L3MBTL4: variants seen among roughly 807,000 people sequenced by gnomAD.
L3MBTL4 encodes L3MBTL histone methyl-lysine binding protein 4.
Under a neutral mutation model 84.5 loss-of-function variants are expected in L3MBTL4, and 70 were observed. The ratio of observed to expected loss-of-function variants is 0.83; its 90% CI spans 0.68 to 1.01. The LOEUF is 1.01. L3MBTL4 is among the 50% of genes least tolerant of loss of function. L3MBTL4 has a pLI of 0.00. For missense variants in L3MBTL4, 715 were observed against 754.8 expected, an observed-to-expected ratio of 0.95 and a Z score of 0.62; for synonymous variants, 274 against 259.8, an observed-to-expected ratio of 1.05 and a Z score of -0.52.
intron 13 of L3MBTL4, among the ~76,000 whole-genome samples, chr18:6,163,634 C>T (rs2043478936): frequency 6.6e-6 from 1 of 152,122 alleles, no homozygotes. Flanking sequence ...ACACAAAATA[C>T]ACATCTTGTA....
intron 13 of L3MBTL4, among the ~76,000 whole-genome samples, chr18:6,141,976 T>C (rs1165789663): frequency 6.6e-6 from 1 of 152,238 alleles, no homozygotes; most frequent in Non-Finnish European, 1.5e-5. Flanking sequence ...TCCTATTCCT[T>C]GAACCTGCCA....
intron 1 of L3MBTL4, among the ~76,000 whole-genome samples, chr18:6,345,397 AAAACAAAC>A (rs752013822): frequency 8.6e-5 from 13 of 151,782 alleles, no homozygotes; most frequent in South Asian, 2.1e-4. Flanking sequence ...CTCCGTCTCA[AAAACAAAC>A]AAACAAACAA....
At chr18:6,233,403 T>C (rs1160317368) in intron 10 of L3MBTL4, among the ~76,000 whole-genome samples, 1 of 149,820 alleles carries the variant, frequency 6.7e-6, no homozygotes, top group African/African-American at 2.6e-5. Flanking sequence ...GATGACGTGA[T>C]TGTATATTTA....
chr18:6,156,903 A>G (rs964014223), intron 13 of L3MBTL4, among the ~76,000 whole-genome samples: 26 of 152,214 alleles, frequency 1.7e-4, no homozygotes, highest in Non-Finnish European at 3.4e-4. Context: ...TGAGAAAATA[A>G]TCTGCAGAAT....
intron 13 of L3MBTL4, among the ~76,000 whole-genome samples, chr18:6,157,792 T>C (rs1422067198): frequency 2.0e-5 from 3 of 152,248 alleles, no homozygotes; most frequent in African/African-American, 7.2e-5. Flanking sequence ...GATAATTTAA[T>C]TTACTTTGTA....
intron 12 of L3MBTL4, among the ~76,000 whole-genome samples, chr18:6,175,795 G>A (rs1321089308): frequency 6.6e-6 from 1 of 152,084 alleles, no homozygotes; most frequent in Non-Finnish European, 1.5e-5. Context: ...CATTCTTACT[G>A]TTTCTAGTCA....
At chr18:5,981,904 G>T (rs1430665194) in intron 16 of L3MBTL4, among the ~76,000 whole-genome samples, 1 of 151,344 alleles carries the variant, frequency 6.6e-6, no homozygotes, top group African/African-American at 2.4e-5. Flanking sequence ...ATCTCCCGAT[G>T]CAACATGCAC....
intron 1 of L3MBTL4, among the ~76,000 whole-genome samples, chr18:6,315,070 A>T (rs2051026803): frequency 6.6e-6 from 1 of 152,222 alleles, no homozygotes; most frequent in African/African-American, 2.4e-5. Context: ...AATGAATAAG[A>T]AATGTAATAC....
intron 14 of L3MBTL4, among the ~76,000 whole-genome samples, chr18:6,098,594 C>T (rs765035492): frequency 1.3e-5 from 2 of 152,068 alleles, no homozygotes; most frequent in East Asian, 1.9e-4. Context: ...AAAGTAAAGT[C>T]GCCCAAAATA....
At chr18:6,061,496 T>C (rs2145889047) in intron 16 of L3MBTL4, among the ~76,000 whole-genome samples, 1 of 152,208 alleles carries the variant, frequency 6.6e-6, no homozygotes, top group South Asian at 2.1e-4. Context: ...TTTAATAAAG[T>C]CCAACTTATC....
chr18:6,137,927 T>G (rs78997541), intron 14 of L3MBTL4, among the ~76,000 whole-genome samples: 1,665 of 152,262 alleles, frequency 0.011, 47 homozygotes, highest in African/African-American at 0.038. Context: ...TGTATGACAG[T>G]GTGCATTTGG....
In L3MBTL4 at chr18:5,969,864, A is replaced by G. The variant is rs530448127; in HGVS notation, c.1445-302T>C. ...AATGAAGGGCTCGCTTGTCACTGCC[A>G]CTGGCTTCTCTCTCCTTAAATCAGG... On this transcript the variant is annotated intron_variant, in intron 16 of 18. Transcript: ENST00000317931. 3.3e-5 allele frequency among the ~76,000 whole-genome samples: 5 copies of G among 152,330 alleles called. No homozygotes were observed. The South Asian group carries it at 8.3e-4, about 25-fold the overall frequency.
rs373741127 is a variant in L3MBTL4 at position 5,960,037 on chromosome 18, TACACAC to T, written c.1677+51_1677+56del. On this transcript the variant is annotated intron_variant, in intron 18 of 18. Coordinates refer to ENST00000317931, the MANE Select transcript of L3MBTL4 (RefSeq NM_001330559.2). ...ATATATATATATACATATATATATA[TACACAC>T]ACATATATATATATATACATATATA... 1.3e-3 allele frequency: 295 copies of T among 222,882 alleles called. 6 individuals carry two copies. The highest frequency in any genetic ancestry group is 5.2e-3 in the South Asian group (37 of 7,064). The allele number at this position is 222,882 out of a possible 1,614,324, so 13.8% of individuals were successfully genotyped here.
chr18:6,231,564 G>C (rs548574387), intron 10 of L3MBTL4, among the ~76,000 whole-genome samples: 1 of 152,116 alleles, frequency 6.6e-6, no homozygotes, highest in African/African-American at 2.4e-5. Context: ...CCACTCATTT[G>C]TGTCACCCTG....
intron 10 of L3MBTL4, among the ~76,000 whole-genome samples, chr18:6,224,153 C>T (rs2046678348): frequency 6.6e-6 from 1 of 151,988 alleles, no homozygotes; most frequent in Non-Finnish European, 1.5e-5. Flanking sequence ...CATAAAGCCC[C>T]AAGGCGAACA....
chr18:6,171,754 C>T (rs930085466), intron 13 of L3MBTL4, 74 bp downstream of exon 13: 2 of 813,070 alleles, frequency 2.5e-6, no homozygotes, highest in Admixed American at 2.6e-5. Flanking sequence ...CCTGTAATGG[C>T]ATGAATAAGC....
intron 4 of L3MBTL4, among the ~76,000 whole-genome samples, chr18:6,267,961 C>G (rs1167495829): frequency 6.6e-6 from 1 of 152,144 alleles, no homozygotes; most frequent in Non-Finnish European, 1.5e-5. Context: ...TGTTTCTCAC[C>G]ATGTTGTTTT....
intron 15 of L3MBTL4, 131 bp downstream of exon 15, chr18:6,093,224 A>G: frequency 1.4e-6 from 1 of 702,026 alleles, no homozygotes. Context: ...AGCCCAGCGA[A>G]CCTAATAATA....
chr18:6,147,644 T>C (rs931378790), intron 13 of L3MBTL4, among the ~76,000 whole-genome samples: 1 of 152,162 alleles, frequency 6.6e-6, no homozygotes, highest in African/African-American at 2.4e-5. Flanking sequence ...ATGTGGTAAA[T>C]TCCTGAAAGA....
Sources: gnomAD v4.1 joint callset for allele counts (sites outside exome capture counted in the v4.1 genomes callset) on GRCh38, gnomAD v4.1.1 for gene constraint, MANE v1.5 for transcripts, NCBI Gene and HGNC (gene_info 2026-07-23, HGNC 2026-07-21) for gene names.